Variants in NUCKS1 observed in about 807,000 individuals in gnomAD.
NUCKS1 encodes the protein nuclear ubiquitous casein and cyclin-dependent kinase substrate 1.
In NUCKS1, 2 loss-of-function variants were observed where a neutral mutation model predicts 33.0. The ratio of observed to expected loss-of-function variants is 0.06; its 90% CI spans 0.02 to 0.19. NUCKS1 has a LOEUF of 0.19. Ranked by LOEUF, NUCKS1 falls within the 10% of genes least tolerant of loss-of-function variation. NUCKS1 has a pLI of 1.00. For synonymous variants in NUCKS1, 106 were observed against 102.8 expected (o/e 1.03, Z -0.19); for missense variants, 201 against 293.6 (o/e 0.68, Z 2.31).
Position 205,712,874 on chromosome 1 carries a change from CACA to C in NUCKS1, c.*5403_*5405del, listed in dbSNP as rs1490116389. On this transcript the variant is annotated 3_prime_UTR_variant, in exon 7 of 7. Transcript: ENST00000367142. ...TATATGATTGTTAAACTTTGCTTTC[CACA>C]ACACTTCATAACCTTGGATGTAAAC... is the stretch of plus-strand genomic sequence containing the variant. 2 of 152,224 alleles carry C rather than the reference CACA, an allele frequency of 1.3e-5. No individual in the cohort carries two copies. The highest frequency in any genetic ancestry group is 4.8e-5 in the African/African-American group (2 of 41,544). The allele number at this position is 152,224 out of a possible 1,614,324, so 9.4% of individuals were successfully genotyped here. A position where few individuals can be genotyped will look rare whatever the true frequency, so the allele number is the denominator to read the frequency against.
At chr1:205,743,522 G>A (rs1175302508) in intron 1 of NUCKS1, among the ~76,000 whole-genome samples, 1 of 152,178 alleles carries the variant, frequency 6.6e-6, no homozygotes, top group East Asian at 1.9e-4. Flanking sequence ...TAATTTTAAT[G>A]CATTAAGTTT....
At chr1:205,726,633 G>C (rs930284041) in intron 3 of NUCKS1, among the ~76,000 whole-genome samples, 3 of 152,186 alleles carry the variant, frequency 2.0e-5, no homozygotes, top group African/African-American at 4.8e-5. Flanking sequence ...GTGGTATAGA[G>C]CTCCAATGGT....
At chr1:205,718,512 G>C in intron 6 of NUCKS1, 33 bp from the exon 7 acceptor site, 1 of 1,593,862 alleles carries the variant, frequency 6.3e-7, no homozygotes, top group Non-Finnish European at 8.5e-7. Flanking sequence ...GGGAAGGGAA[G>C]AGAAAAAAAT....
At chr1:205,746,436 TTCTCTCTC>T (rs10539047) in intron 1 of NUCKS1, among the ~76,000 whole-genome samples, 11,850 of 146,274 alleles carry the variant, frequency 0.081, 573 homozygotes, top group Middle Eastern at 0.12. Context: ...ATAAACTCAC[TTCTCTCTC>T]TCTCTCTCTC....
At chr1:205,734,286 A>G (rs894592257) in intron 1 of NUCKS1, among the ~76,000 whole-genome samples, 1 of 152,208 alleles carries the variant, frequency 6.6e-6, no homozygotes, top group Admixed American at 6.5e-5. Flanking sequence ...TGCCATGTAG[A>G]CTATATTGGC....
rs987979507 is a variant in NUCKS1 at position 205,718,204 on chromosome 1, C to CT, written c.*75dup. The stretch of plus-strand genomic sequence containing the variant: ...AACCATGTTCTATCTTAAGTAGGTT[C>CT]TTTTTTTTCCTCCCTCTTTTTTCTT... On this transcript the variant is annotated 3_prime_UTR_variant, in exon 7 of 7. Transcript: ENST00000367142. 4.2e-5 allele frequency: 63 copies of CT among 1,487,036 alleles called. 1 individual carries two copies. In the South Asian group the frequency reaches 6.9e-4, roughly 16 times the overall value. The allele number at this position is 1,487,036 out of a possible 1,614,324, so 92.1% of individuals were successfully genotyped here.
At chr1:205,729,660 GTAGGATTTTTCT>G in intron 1 of NUCKS1, 39 bp from the exon 2 acceptor site, 1 of 1,448,914 alleles carries the variant, frequency 6.9e-7, no homozygotes, top group Non-Finnish European at 9.7e-7. Context: ...TCATAAAACT[GTAGGATTTTTCT>G]AAGACATCAG....
At chr1:205,738,095 G>A (rs554588550) in intron 1 of NUCKS1, among the ~76,000 whole-genome samples, 10 of 152,096 alleles carry the variant, frequency 6.6e-5, no homozygotes, top group South Asian at 6.2e-4. Flanking sequence ...GCGTGATCTC[G>A]GCTCACTGCA....
rs921424232 is a variant in NUCKS1, at chr1:205,727,203, G to A, written c.173+497C>T. Among the ~76,000 whole-genome samples, 7 of 152,024 alleles carry A rather than the reference G, an allele frequency of 4.6e-5. No homozygotes were observed. The East Asian group carries it at 1.3e-3, about 29-fold the overall frequency. The stretch of plus-strand genomic sequence containing the variant: ...TGGTCTCAAACTCCCGGGCTCAAGC[G>A]ATCCTCCTACCTAGGCCTCCCAAAG... On this transcript the variant is annotated intron_variant, in intron 3 of 6. Transcript: ENST00000367142.
At chr1:205,748,628 TGTA>T (rs1414392099) in intron 1 of NUCKS1, among the ~76,000 whole-genome samples, 1 of 152,168 alleles carries the variant, frequency 6.6e-6, no homozygotes, top group Non-Finnish European at 1.5e-5. Flanking sequence ...CCACCCCGTG[TGTA>T]GGAGTACGCA....
intron 3 of NUCKS1, among the ~76,000 whole-genome samples, chr1:205,724,976 C>A (rs778298778): frequency 1.2e-4 from 19 of 152,134 alleles, no homozygotes; most frequent in Non-Finnish European, 2.6e-4. Flanking sequence ...TAGTTACAAC[C>A]AAACACATTA....
At chr1:205,724,329 C>T (rs1248880728) in intron 3 of NUCKS1, among the ~76,000 whole-genome samples, 1 of 152,066 alleles carries the variant, frequency 6.6e-6, no homozygotes, top group African/African-American at 2.4e-5. Flanking sequence ...ACTAAAAATA[C>T]ATAGTGTTGA....
At chr1:205,730,549 C>T (rs1314959153) in intron 1 of NUCKS1, among the ~76,000 whole-genome samples, 3 of 151,018 alleles carry the variant, frequency 2.0e-5, no homozygotes, top group Non-Finnish European at 4.4e-5. Context: ...AGTGCAATGG[C>T]GAGATCTTGG....
intron 3 of NUCKS1, among the ~76,000 whole-genome samples, chr1:205,726,959 G>A (rs970640797): frequency 6.6e-6 from 1 of 151,676 alleles, no homozygotes; most frequent in Non-Finnish European, 1.5e-5. Flanking sequence ...CAATATCCTC[G>A]TCTTGTTGTT....
chr1:205,723,045 C>T (rs933530976), intron 4 of NUCKS1, among the ~76,000 whole-genome samples: 1 of 152,210 alleles, frequency 6.6e-6, no homozygotes, highest in African/African-American at 2.4e-5. Flanking sequence ...AGGCAAATGA[C>T]TGAAAGCATA....
At position 205,718,286 on chromosome 1, in the gene NUCKS1, C is replaced by T. The variant is rs747737217; in HGVS notation, c.726G>A (p.Glu242=). 1.2e-6 allele frequency: 2 copies of T among 1,607,242 alleles called. No individual in the cohort carries two copies. The highest frequency in any genetic ancestry group is 1.7e-6 in the Non-Finnish European group (2 of 1,177,908). ...CCCCAGACCATCATCACTTTTAATC[C>T]TCCCCAGAAGGGGCTTCATCTTCAG... The part of the protein sequence containing the change: ...EGSEDEAPSG[E]D The change falls in exon 7 of 7, where the codon GAG becomes GAA. Residue 242 remains glutamate, a synonymous_variant. Coordinates refer to ENST00000367142, the MANE Select transcript of NUCKS1 (RefSeq NM_022731.5).
chr1:205,746,772 A>G lies in NUCKS1; in HGVS notation c.17+3185T>C, dbSNP rs567079179. ...CATGACAAACAATAAAATAAATTCT[A>G]TAACAACTTGTAAGAGCTTATGTTT... On this transcript the variant is annotated intron_variant, in intron 1 of 6. Transcript: ENST00000367142. Among the ~76,000 whole-genome samples the G allele has an allele frequency of 5.3e-5, 8 of 152,340 alleles. No individual in the cohort carries two copies. The East Asian group carries it at 9.6e-4, about 18-fold the overall frequency.
At chr1:205,741,559 C>A (rs1198065318) in intron 1 of NUCKS1, among the ~76,000 whole-genome samples, 1 of 152,074 alleles carries the variant, frequency 6.6e-6, no homozygotes, top group African/African-American at 2.4e-5. Flanking sequence ...GTAACTCAAT[C>A]GCTAGGGACA....
At chr1:205,737,033 T>A (rs1434579493) in intron 1 of NUCKS1, among the ~76,000 whole-genome samples, 2 of 152,102 alleles carry the variant, frequency 1.3e-5, no homozygotes, top group Admixed American at 6.6e-5. Context: ...GGGCTCCTTT[T>A]TAACACTTCC....
Sources: gnomAD v4.1 joint callset for allele counts (sites outside exome capture counted in the v4.1 genomes callset) on GRCh38, gnomAD v4.1.1 for gene constraint, MANE v1.5 for transcripts, NCBI Gene and HGNC (gene_info 2026-07-23, HGNC 2026-07-21) for gene names.